SH3YL1: variants seen among roughly 807,000 people sequenced by gnomAD.
SH3YL1 encodes the protein SH3 and SYLF domain containing 1, also known as SH3 domain-containing YSC84-like protein 1.
Under a neutral mutation model 45.8 loss-of-function variants are expected in SH3YL1, and 41 were observed. That is an observed-to-expected ratio of 0.89 (90% CI 0.70 to 1.16). The LOEUF is 1.16. Among genes scored for constraint, SH3YL1 ranks in the 50% most tolerant of loss-of-function variants. SH3YL1 has a pLI of 0.00. For synonymous variants in SH3YL1, 152 were observed against 151.4 expected, an observed-to-expected ratio of 1.00 and a Z score of -0.03; for missense variants, 389 against 409.6, an observed-to-expected ratio of 0.95 and a Z score of 0.43.
chr2:242,801 T>C (rs1668603879), intron 4 of SH3YL1: 2 of 1,536,056 alleles, frequency 1.3e-6, no homozygotes, highest in African/African-American at 1.4e-5. Flanking sequence ...AAGTTACCAT[T>C]AGATTGACAG....
At chr2:235,369 G>C (rs1349702596) in intron 4 of SH3YL1, among the ~76,000 whole-genome samples, 1 of 149,796 alleles carries the variant, frequency 6.7e-6, no homozygotes, top group Non-Finnish European at 1.5e-5. Flanking sequence ...CATGGGCCAG[G>C]GGAGGCAGCA....
intron 8 of SH3YL1, among the ~76,000 whole-genome samples, chr2:228,470 T>A (rs1254614855): frequency 1.3e-5 from 2 of 152,356 alleles, no homozygotes; most frequent in African/African-American, 4.8e-5. Context: ...GACCTGATAC[T>A]AAGAGGACTA....
At chr2:264,150 C>A, upstream of SH3YL1, 4 of 1,034,560 alleles carry the variant, frequency 3.9e-6, no homozygotes, top group Non-Finnish European at 5.2e-6. Context: ...ACAAAAACCA[C>A]GCGCCCGCCG....
At chr2:264,069 C>A, upstream of SH3YL1, 2 of 1,347,996 alleles carry the variant, frequency 1.5e-6, no homozygotes, top group Admixed American at 3.8e-5. Context: ...CAAGGAGGCC[C>A]CAGCGAGGGC....
At chr2:260,878 G>A (rs1057236122) in intron 1 of SH3YL1, 24 of 152,226 alleles carry the variant, frequency 1.6e-4, no homozygotes, top group African/African-American at 5.8e-4. Flanking sequence ...TCCTGCTGTA[G>A]GGAAAGGTCA....
intron 1 of SH3YL1, chr2:259,947 C>T (rs1669516409): frequency 6.6e-6 from 1 of 151,678 alleles, no homozygotes; most frequent in African/African-American, 2.4e-5. Flanking sequence ...CCAAGTATGG[C>T]AACAAAATTT....
chr2:247,070 G>A (rs1299789903), intron 4 of SH3YL1, among the ~76,000 whole-genome samples: 3 of 152,176 alleles, frequency 2.0e-5, no homozygotes, highest in Non-Finnish European at 2.9e-5. Context: ...AATCCCAGGA[G>A]CAACATTATA....
intron 4 of SH3YL1, among the ~76,000 whole-genome samples, chr2:235,368 G>A (rs1668241749): frequency 6.7e-6 from 1 of 150,158 alleles, no homozygotes; most frequent in African/African-American, 2.5e-5. Context: ...GCATGGGCCA[G>A]GGGAGGCAGC....
At chr2:238,417 G>T (rs1454638117) in intron 4 of SH3YL1, among the ~76,000 whole-genome samples, 2 of 152,044 alleles carry the variant, frequency 1.3e-5, no homozygotes, top group Non-Finnish European at 2.9e-5. Context: ...TTCTTAGGGG[G>T]CTTAGAAACT....
intron 9 of SH3YL1, 54 bp downstream of exon 9, chr2:224,806 AGTTT>A (rs1308789220): frequency 2.7e-5 from 33 of 1,243,068 alleles, no homozygotes; most frequent in Admixed American, 8.7e-5. Flanking sequence ...TTAATTAGGA[AGTTT>A]GTGATCACAA....
At chr2:257,480 T>C (rs1669393728) in intron 1 of SH3YL1, among the ~76,000 whole-genome samples, 1 of 152,216 alleles carries the variant, frequency 6.6e-6, no homozygotes, top group Non-Finnish European at 1.5e-5. Flanking sequence ...ATTGAGAACT[T>C]AACTTAGGAG....
intron 1 of SH3YL1, among the ~76,000 whole-genome samples, chr2:257,100 A>G (rs1045851011): frequency 6.6e-6 from 1 of 151,918 alleles, no homozygotes; most frequent in African/African-American, 2.4e-5. Context: ...TTTGCTTGTT[A>G]ATTTGTTTAA....
chr2:261,659 G>T (rs537561691), intron 1 of SH3YL1, among the ~76,000 whole-genome samples: 69 of 152,192 alleles, frequency 4.5e-4, no homozygotes, highest in Admixed American at 1.2e-3. Flanking sequence ...GAGTCACTGG[G>T]GACAAACAGG....
chr2:263,868 C>T (rs916552844), intron 1 of SH3YL1, 116 bp downstream of exon 1: 4 of 871,664 alleles, frequency 4.6e-6, no homozygotes, highest in South Asian at 4.5e-5. Context: ...GGTTAACAGA[C>T]GCGCGACCTA....
At chr2:224,670 T>C (rs1391398422) in intron 9 of SH3YL1, among the ~76,000 whole-genome samples, 194 bp downstream of exon 9, 2 of 152,198 alleles carry the variant, frequency 1.3e-5, no homozygotes, top group African/African-American at 4.8e-5. Context: ...TCACCCTCAT[T>C]ACCTTAAAGG....
intron 1 of SH3YL1, 101 bp downstream of exon 1, chr2:263,883 C>A: frequency 3.0e-6 from 3 of 1,015,244 alleles, no homozygotes; most frequent in Non-Finnish European, 4.5e-6. Flanking sequence ...GACCTAGAAA[C>A]CCCAGAGGCA....
intron 4 of SH3YL1, among the ~76,000 whole-genome samples, chr2:238,297 GT>G (rs1668394965): frequency 6.9e-6 from 1 of 144,950 alleles, no homozygotes; most frequent in Non-Finnish European, 1.5e-5. Flanking sequence ...GTGTGTGTGT[GT>G]GTGTGGCATG....
chr2:221,591 T>G (rs1283283435), intron 9 of SH3YL1, among the ~76,000 whole-genome samples: 1 of 152,092 alleles, frequency 6.6e-6, no homozygotes, highest in Non-Finnish European at 1.5e-5. Context: ...GGTTTTCAGG[T>G]GCAGCTGAAG....
chr2:224,966 A>G (rs972642858), intron 8 of SH3YL1, 46 bp from the exon 9 acceptor site: 7 of 1,463,932 alleles, frequency 4.8e-6, no homozygotes, highest in African/African-American at 4.2e-5. Flanking sequence ...TGATTAGTAT[A>G]TATCATACAA....
Sources: allele counts gnomAD v4.1 joint callset (sites outside exome capture counted in the v4.1 genomes callset), GRCh38; gene constraint gnomAD v4.1.1; transcripts MANE v1.5; gene names NCBI Gene and HGNC (gene_info 2026-07-23, HGNC 2026-07-21).